ZNF44: variants seen among roughly 807,000 people sequenced by gnomAD.
ZNF44 encodes the protein zinc finger protein 44, also known as gonadotropin inducible transcription repressor-2.
ZNF44 carries 9 observed loss-of-function variants against 11.7 expected under a neutral mutation model. The ratio of observed to expected loss-of-function variants is 0.77; its 90% CI spans 0.46 to 1.35. ZNF44 has a LOEUF of 1.35. Ranked by LOEUF, ZNF44 falls within the 40% of genes most tolerant of loss-of-function variation. The pLI is 0.00. For synonymous variants in ZNF44, 224 were observed against 242.7 expected, an observed-to-expected ratio of 0.92 and a Z score of 0.72; for missense variants, 696 against 743.1, an observed-to-expected ratio of 0.94 and a Z score of 0.74.
chr19:12,250,357 G>C lies in ZNF44; in HGVS notation c.*10C>G, dbSNP rs751952721. 9.5e-6 allele frequency: 13 copies of C among 1,362,530 alleles called. No individual in the cohort carries two copies. The African/African-American group carries it at 1.6e-4, about 17-fold the overall frequency. 84.4% of individuals were successfully genotyped at this position (1,362,530 alleles called of 1,614,324 possible). ...TGAAGTTCACAGCCACATCTTCAAA[G>C]GTCACTGAGTCCTAAAACATTCCAA... On this transcript the variant is annotated 3_prime_UTR_variant and NMD_transcript_variant, in exon 6 of 8. Coordinates refer to the ZNF44 transcript ENST00000393337.
rs530589887 is a variant in ZNF44 at position 12,253,921 on chromosome 19, G to T, written c.1913-3553C>A. Among the ~76,000 whole-genome samples, 13 of 152,318 alleles carry T rather than the reference G, an allele frequency of 8.5e-5. No individual in the cohort carries two copies. The South Asian group carries it at 2.7e-3, about 32-fold the overall frequency. ...TTGAACCCGGGAGGCAGGGGTTACA[G>T]TGGGCCCAGATCGCACCACTGCACT... On this transcript the variant is annotated intron_variant and NMD_transcript_variant, in intron 5 of 7. Transcript: ENST00000393337.
intron 3 of ZNF44, among the ~76,000 whole-genome samples, chr19:12,274,508 CG>C (rs779952181): frequency 5.3e-4 from 80 of 151,450 alleles, no homozygotes; most frequent in Non-Finnish European, 1.1e-3. Flanking sequence ...CTCCTGACCT[CG>C]TGGATCCACC....
downstream of ZNF44, among the ~76,000 whole-genome samples, chr19:12,246,640 C>A (rs1916774227): frequency 1.3e-5 from 2 of 152,164 alleles, no homozygotes; most frequent in Admixed American, 1.3e-4. Flanking sequence ...TACTTCTGCA[C>A]TATTTCTTAA....
intron 2 of ZNF44, among the ~76,000 whole-genome samples, chr19:12,230,976 T>C (rs924843885): frequency 1.4e-4 from 21 of 152,122 alleles, no homozygotes; most frequent in Non-Finnish European, 2.8e-4. Context: ...AGTTGGAATG[T>C]TTCTGGTTGG....
chr19:12,286,360 G>A (rs117023838), intron 1 of ZNF44, among the ~76,000 whole-genome samples: 3,159 of 152,308 alleles, frequency 0.021, 40 homozygotes, highest in Non-Finnish European at 0.032. Context: ...TGGAGGCCGG[G>A]CGCGGTGGCT....
exon 8 of ZNF44, chr19:12,247,644 C>G: frequency 1.5e-6 from 2 of 1,343,306 alleles, no homozygotes; most frequent in South Asian, 1.2e-5. Context: ...TTCATGTCTT[C>G]GGGCAGAACT....
At position 12,272,436 on chromosome 19, in the gene ZNF44, T is replaced by C. The variant is rs1242103664; in HGVS notation, c.1819A>G (p.Lys607Glu). The C allele has an allele frequency of 1.3e-6, 2 of 1,568,286 alleles. No individual in the cohort carries two copies. Among genetic ancestry groups the C allele is most frequent in the Non-Finnish European group, 1.7e-6 (2 of 1,161,954 alleles). ...FSSLSSFNRHKRTHWKDIL is the reference protein window; with the variant it reads ...FSSLSSFNRHERTHWKDIL ...AGAATATCCTTCCAGTGTGTCCTTT[T>C]ATGTCTATTAAAGGAACTGAGAGAA... The change falls in exon 4 of 4, where the codon AAA becomes GAA. Residue 607 changes from lysine (K) to glutamate (E), a missense_variant. Physicochemically the swap from Lys to Glu is moderately conservative, Grantham distance 56 (BLOSUM62 1). Transcript: ENST00000355684.
At chr19:12,249,279 G>A (rs529356345) in intron 7 of ZNF44, among the ~76,000 whole-genome samples, 10 of 151,530 alleles carry the variant, frequency 6.6e-5, no homozygotes, top group Non-Finnish European at 1.5e-4. Context: ...GCCGAGGCGG[G>A]CGGATCACAA....
Position 12,294,725 on chromosome 19 carries a change from C to G in ZNF44, c.-31G>C. On this transcript the variant is annotated 5_prime_UTR_variant, in exon 1 of 4. Coordinates refer to ENST00000355684, the MANE Select transcript of ZNF44 (RefSeq NM_016264.4). ...GGCTGTGCGGTGTCCCGGGTCCTCC[C>G]AACTCCCGTAGTCAGGGTAGGTCCC... is the stretch of plus-strand genomic sequence containing the variant. The G allele has an allele frequency of 1.3e-6, 2 of 1,554,960 alleles. No homozygotes were observed. The highest frequency in any genetic ancestry group is 1.7e-6 in the Non-Finnish European group (2 of 1,150,198).
intron 1 of ZNF44, chr19:12,293,388 C>T (rs1968099795): frequency 6.5e-7 from 1 of 1,534,966 alleles, no homozygotes; most frequent in Non-Finnish European, 8.7e-7. Context: ...GGAAAAGATA[C>T]AGGGTGGGCT....
At chr19:12,249,333 C>T (rs977456089) in intron 7 of ZNF44, among the ~76,000 whole-genome samples, 14 of 150,718 alleles carry the variant, frequency 9.3e-5, no homozygotes, top group Non-Finnish European at 7.4e-5. Context: ...AGTGAAACCC[C>T]GTCTCTACTA....
chr19:12,246,126 A>G (rs1484030688), downstream of ZNF44, among the ~76,000 whole-genome samples: 7 of 152,132 alleles, frequency 4.6e-5, no homozygotes, highest in Admixed American at 4.6e-4. Context: ...CTGCCTTCCA[A>G]CTTTCATGTC....
chr19:12,246,855 T>G (rs968671320), downstream of ZNF44, among the ~76,000 whole-genome samples: 3 of 148,512 alleles, frequency 2.0e-5, no homozygotes, highest in African/African-American at 7.4e-5. Flanking sequence ...GCAAGACCCA[T>G]CTCAAAAAAA....
chr19:12,273,195 T>C lies in ZNF44; in HGVS notation c.1060A>G (p.Ile354Val). Residue 354 changes from isoleucine to valine, a missense_variant, in exon 4 of 4, where the codon ATT (isoleucine) becomes GTT (valine). Transcript: ENST00000355684. ...KGFDFPGSAR[I>V]HEGTHTLEKP... Reference sequence around the variant, plus strand: ...TCTAGAGTGTGAGTTCCTTCATGAATTCGTGCTGAACCAGGAAAATCAAAG... The same window carrying C: ...TCTAGAGTGTGAGTTCCTTCATGAACTCGTGCTGAACCAGGAAAATCAAAG... The C allele has an allele frequency of 1.2e-6, 2 of 1,614,028 alleles. No individual in the cohort carries two copies. Among genetic ancestry groups the C allele is most frequent in the African/African-American group, 1.3e-5 (1 of 75,060 alleles).
At chr19:12,287,042 C>T (rs1967790124) in intron 1 of ZNF44, among the ~76,000 whole-genome samples, 1 of 131,062 alleles carries the variant, frequency 7.6e-6, no homozygotes, top group Non-Finnish European at 1.6e-5. Flanking sequence ...CACACACACA[C>T]ACACGTATAA....
downstream of ZNF44, among the ~76,000 whole-genome samples, chr19:12,225,874 G>A (rs1915894545): frequency 6.6e-6 from 1 of 152,238 alleles, no homozygotes; most frequent in Admixed American, 6.5e-5. Context: ...AGAGTCGGGG[G>A]CTTAGAGGCA....
chr19:12,268,159 C>CAG (rs1568438359), downstream of ZNF44, among the ~76,000 whole-genome samples: 1 of 143,286 alleles, frequency 7.0e-6, no homozygotes, highest in East Asian at 2.1e-4. Context: ...CACACACACA[C>CAG]ACACACACAC....
chr19:12,230,944 A>G (rs914640902), intron 2 of ZNF44, among the ~76,000 whole-genome samples: 1 of 151,908 alleles, frequency 6.6e-6, no homozygotes, highest in Non-Finnish European at 1.5e-5. Context: ...TCTTGGGGCT[A>G]GCATGTCTCT....
At chr19:12,240,762 T>A (rs375601524), upstream of ZNF44, among the ~76,000 whole-genome samples, 29 of 152,282 alleles carry the variant, frequency 1.9e-4, no homozygotes, top group African/African-American at 6.5e-4. Context: ...AAGAATAAAG[T>A]TGGACCCTTA....
Sources: gnomAD v4.1 joint callset for allele counts (sites outside exome capture counted in the v4.1 genomes callset) on GRCh38, gnomAD v4.1.1 for gene constraint, MANE v1.5 for transcripts, NCBI Gene and HGNC (gene_info 2026-07-23, HGNC 2026-07-21) for gene names.